KDM6A: variants seen among roughly 807,000 people sequenced by gnomAD.
KDM6A encodes lysine-specific demethylase 6A.
A neutral mutation model predicts 117.6 loss-of-function variants in KDM6A; 11 were observed. The observed-to-expected ratio is 0.09, with a 90% confidence interval of 0.06 to 0.15. The LOEUF is 0.15. Ranked by LOEUF, KDM6A falls within the 10% of genes least tolerant of loss-of-function variation. The probability of loss-of-function intolerance (pLI) is 1.00; values close to 1 mark genes in which losing one functional copy is unlikely to be tolerated. For synonymous variants in KDM6A, 384 were observed against 396.1 expected (o/e 0.97, Z 0.36); for missense variants, 799 against 1,077.3 (o/e 0.74, Z 3.62).
At chrX:45,051,488 G>A (rs780341387) in intron 8 of KDM6A, among the ~76,000 whole-genome samples, 4 of 111,815 alleles carry the variant, frequency 3.6e-5, no homozygotes, top group Non-Finnish European at 5.6e-5. Flanking sequence ...ATGATACTTC[G>A]TTATAGTGAA....
intron 2 of KDM6A, among the ~76,000 whole-genome samples, chrX:44,899,210 G>T (rs2034148020): frequency 1.3e-5 from 1 of 78,014 alleles, no homozygotes; most frequent in South Asian, 6.8e-4. Flanking sequence ...AGGAAGGGAG[G>T]GTGTGTGTGT....
chrX:45,103,351 A>G (rs943457634), intron 27 of KDM6A, among the ~76,000 whole-genome samples: 2 of 109,723 alleles, frequency 1.8e-5, no homozygotes, highest in East Asian at 5.7e-4. Flanking sequence ...CCTTCCCCCA[A>G]CTCTTTTTCC....
At chrX:44,952,949 T>A (rs1409736828) in intron 2 of KDM6A, among the ~76,000 whole-genome samples, 2 of 110,563 alleles carry the variant, frequency 1.8e-5, no homozygotes, top group African/African-American at 6.6e-5. Flanking sequence ...AGCATAATTT[T>A]AAAAATGTTT....
At chrX:45,015,250 G>C (rs1483717729) in intron 5 of KDM6A, among the ~76,000 whole-genome samples, 1 of 109,949 alleles carries the variant, frequency 9.1e-6, no homozygotes, top group Non-Finnish European at 1.9e-5. Flanking sequence ...CTACAGGCTT[G>C]AAGGCTTGAA....
chrX:45,099,753 C>T (rs1232949015), intron 27 of KDM6A, among the ~76,000 whole-genome samples: 5 of 112,083 alleles, frequency 4.5e-5, no homozygotes, highest in African/African-American at 6.5e-5. Context: ...AAGAAACCCT[C>T]ACTGGGTGCG....
At chrX:45,068,595 C>G (rs1212732168) in intron 17 of KDM6A, among the ~76,000 whole-genome samples, 4 of 103,852 alleles carry the variant, frequency 3.9e-5, no homozygotes, top group Non-Finnish European at 5.9e-5. Context: ...ACACAAGGTT[C>G]TGCTCTGTCA....
intron 17 of KDM6A, among the ~76,000 whole-genome samples, chrX:45,065,932 T>G (rs1220661974): frequency 9.0e-6 from 1 of 111,430 alleles, no homozygotes; most frequent in Non-Finnish European, 1.9e-5. Context: ...TCATATAAAG[T>G]GAGGACTGAA....
At chrX:45,077,739 G>T (rs1337516472) in intron 19 of KDM6A, among the ~76,000 whole-genome samples, 2 of 111,203 alleles carry the variant, frequency 1.8e-5, no homozygotes, top group African/African-American at 6.5e-5. Flanking sequence ...ATTTGTTTAG[G>T]CATAATTTTT....
intron 27 of KDM6A, among the ~76,000 whole-genome samples, chrX:45,104,296 T>C (rs993078969): frequency 1.8e-5 from 2 of 112,822 alleles, no homozygotes; most frequent in Non-Finnish European, 3.8e-5. Context: ...GTGCTGGGAT[T>C]ACAGGCGCGA....
intron 17 of KDM6A, 80 bp from the exon 18 acceptor site, chrX:45,069,499 C>T: frequency 1.1e-6 from 1 of 935,121 alleles, no homozygotes; most frequent in South Asian, 2.2e-5. Flanking sequence ...TTTTTAGTGG[C>T]TTTTCTCTTT....
At chrX:44,989,442 GAAC>G (rs1419086898) in intron 4 of KDM6A, among the ~76,000 whole-genome samples, 6 of 108,465 alleles carry the variant, frequency 5.5e-5, no homozygotes, top group African/African-American at 2.0e-4. Context: ...CCAGTGAGAT[GAAC>G]CCAGTACCTC....
chrX:45,063,279 G>GGAA, intron 16 of KDM6A, 143 bp from the exon 17 acceptor site: 1 of 541,512 alleles, frequency 1.8e-6, no homozygotes. Context: ...TCAACTTAGA[G>GGAA]AAATTAAGCA....
chrX:44,974,944 A>G (rs1315382147), intron 4 of KDM6A, among the ~76,000 whole-genome samples: 4 of 112,013 alleles, frequency 3.6e-5, no homozygotes, highest in Admixed American at 1.9e-4. Flanking sequence ...TTACTGGTCA[A>G]ATGTAATAGA....
At chrX:45,011,097 T>TTGTG in intron 5 of KDM6A, 78 bp downstream of exon 5, 1 of 746,727 alleles carries the variant, frequency 1.3e-6, no homozygotes, top group Non-Finnish European at 2.1e-6. Flanking sequence ...GCTTGATTTT[T>TTGTG]TGTGTGTGTG....
chrX:44,889,789 T>C (rs750273164), intron 2 of KDM6A, among the ~76,000 whole-genome samples: 2 of 112,533 alleles, frequency 1.8e-5, no homozygotes, highest in Non-Finnish European at 3.8e-5. Flanking sequence ...ACATGACAGA[T>C]TGGATATCAT....
chrX:44,931,634 TC>T (rs1235961085), intron 2 of KDM6A, among the ~76,000 whole-genome samples: 1 of 111,376 alleles, frequency 9.0e-6, no homozygotes, highest in Non-Finnish European at 1.9e-5. Context: ...ATGGTTCTAC[TC>T]ATATGAAGCA....
At position 45,047,674 on chromosome X, in the gene KDM6A, C is replaced by CTTTTT. The variant is rs78749806; in HGVS notation, c.655-4010_655-4006dup. On this transcript the variant is annotated intron_variant, in intron 8 of 29. Coordinates refer to ENST00000611820, the MANE Select transcript of KDM6A (RefSeq NM_001291415.2). The stretch of plus-strand genomic sequence containing the variant: ...TCAAATATCTGCTTGCTTTTTTTTT[C>CTTTTT]TTTTTTTTTTTTTTTTTTTTTTTTT... 5.1e-3 allele frequency among the ~76,000 whole-genome samples: 185 copies of CTTTTT among 36,344 alleles called. 55 individuals carry two copies. Among genetic ancestry groups the CTTTTT allele is most frequent in the Non-Finnish European group, 6.8e-3 (134 of 19,607 alleles). 31.6% of individuals were successfully genotyped at this position (36,344 alleles called of 115,157 possible).
At chrX:44,986,280 T>C (rs1236454407) in intron 4 of KDM6A, among the ~76,000 whole-genome samples, 1 of 111,790 alleles carries the variant, frequency 8.9e-6, no homozygotes, top group East Asian at 2.8e-4. Flanking sequence ...TTTTATTGCG[T>C]CTATTTGATT....
chrX:45,089,752 G>A lies in KDM6A; in HGVS notation c.3714G>A (p.Leu1238=), dbSNP rs2148191771. The part of the protein sequence containing the change: ...VLNDFCEKNN[L]NFLMGSWWPN... ...TTTTTTCTTATTTCAGAAATAATTT[G>A]AATTTCCTAATGGGTTCTTGGTGGC... is the stretch of plus-strand genomic sequence containing the variant. Residue 1238 remains leucine (L), a synonymous_variant, in exon 26 of 30, where the codon TTG becomes TTA. Transcript: ENST00000611820. 1 of 1,197,422 alleles carries A rather than the reference G, an allele frequency of 8.4e-7. No individual in the cohort carries two copies. Among genetic ancestry groups the A allele is most frequent in the Non-Finnish European group, 1.1e-6 (1 of 883,447 alleles).
Sources: gnomAD v4.1 joint callset for allele counts (sites outside exome capture counted in the v4.1 genomes callset) on GRCh38, gnomAD v4.1.1 for gene constraint, MANE v1.5 for transcripts, NCBI Gene and HGNC (gene_info 2026-07-23, HGNC 2026-07-21) for gene names.